Variants in CSMD1 observed in about 807,000 individuals in gnomAD.
CSMD1 encodes the protein CUB and sushi domain-containing protein 1.
CSMD1 carries 213 observed loss-of-function variants against 417.5 expected under a neutral mutation model. That is an observed-to-expected ratio of 0.51 (90% confidence interval 0.46 to 0.57). CSMD1 has a LOEUF of 0.57. Ranked by LOEUF, CSMD1 falls within the 20% of genes least tolerant of loss-of-function variation. CSMD1 has a pLI of 0.00. For synonymous variants in CSMD1, 2,862 were observed against 1,736.8 expected (o/e 1.65, Z -16.11); for missense variants, 6,923 against 4,529.7 (o/e 1.53, Z -15.17).
Position 3,728,001 on chromosome 8 carries a change from G to A in CSMD1, c.932-19510C>T, listed in dbSNP as rs549001272. 3.8e-4 allele frequency among the ~76,000 whole-genome samples: 58 copies of A among 152,284 alleles called. 1 individual carries two copies. In the South Asian group the frequency reaches 9.3e-3, roughly 25 times the overall value. ...TCAGTTTTGGAAATGCATGGTGGTG[G>A]AGGCTACACAACAGTGTGACTGTAT... On this transcript the variant is annotated intron_variant, in intron 6 of 69. Transcript: ENST00000635120.
At chr8:3,695,553 C>T (rs1800504498) in intron 7 of CSMD1, among the ~76,000 whole-genome samples, 2 of 151,994 alleles carry the variant, frequency 1.3e-5, no homozygotes, top group Admixed American at 1.3e-4. Flanking sequence ...AATTGCTTTC[C>T]ACCAAATAAA....
chr8:3,195,456 G>A (rs11775083), intron 33 of CSMD1, among the ~76,000 whole-genome samples: 20,708 of 152,202 alleles, frequency 0.14, 1,694 homozygotes, highest in Non-Finnish European at 0.2. Flanking sequence ...TAGAATCAAT[G>A]GCCTCTTCTA....
chr8:4,418,930 A>C (rs1228293), intron 3 of CSMD1, among the ~76,000 whole-genome samples: 24 of 152,094 alleles, frequency 1.6e-4, no homozygotes, highest in African/African-American at 5.8e-4. Flanking sequence ...AACTTTAAGC[A>C]AAAGGATAAG....
At chr8:4,247,258 T>C (rs116907106) in intron 3 of CSMD1, among the ~76,000 whole-genome samples, 1,702 of 152,296 alleles carry the variant, frequency 0.011, 15 homozygotes, top group South Asian at 0.038. Flanking sequence ...TTGAGTACAA[T>C]GACCAAAGAC....
At chr8:4,661,643 G>A (rs983544844) in intron 1 of CSMD1, among the ~76,000 whole-genome samples, 3 of 152,104 alleles carry the variant, frequency 2.0e-5, no homozygotes, top group Non-Finnish European at 4.4e-5. Flanking sequence ...GGGAAACTGA[G>A]CAATAGATAC....
chr8:3,961,296 T>C (rs560581959), intron 5 of CSMD1, among the ~76,000 whole-genome samples: 58 of 152,322 alleles, frequency 3.8e-4, no homozygotes, highest in African/African-American at 1.3e-3. Flanking sequence ...ATAAAAGTTA[T>C]ATGAGCATAA....
At position 3,367,234 on chromosome 8, in the gene CSMD1, G is replaced by T. The variant is rs1314287502; in HGVS notation, c.2913C>A (p.Ile971=). ...EVSHGKGVQM[I]FHTFHLESSH... is the part of the protein sequence containing the mutation. ...AACTCTCAAGATGAAAGGTGTGAAAGATCATTTGAACTCCTGAGAAATGAA... is the reference window on the plus strand; with the variant it reads ...AACTCTCAAGATGAAAGGTGTGAAATATCATTTGAACTCCTGAGAAATGAA... Residue 971 remains isoleucine (I), a synonymous_variant, in exon 20 of 70, where the codon ATC becomes ATA. Transcript: ENST00000635120. 6.2e-7 allele frequency: 1 copy of T among 1,611,164 alleles called. No individual in the cohort carries two copies. The highest frequency in any genetic ancestry group is 1.3e-5 in the African/African-American group (1 of 74,912).
chr8:4,510,073 T>G (rs1046879799), intron 2 of CSMD1, among the ~76,000 whole-genome samples: 2 of 152,076 alleles, frequency 1.3e-5, no homozygotes, highest in African/African-American at 4.8e-5. Context: ...TCTCATCCTA[T>G]TAACTTGATA....
intron 52 of CSMD1, among the ~76,000 whole-genome samples, chr8:3,014,074 C>T (rs1407347495): frequency 6.6e-6 from 1 of 152,078 alleles, no homozygotes; most frequent in African/African-American, 2.4e-5. Context: ...AAAAATTTTA[C>T]ATTAATTTCT....
At chr8:3,473,255 A>G (rs907385587) in intron 11 of CSMD1, among the ~76,000 whole-genome samples, 9 of 152,162 alleles carry the variant, frequency 5.9e-5, no homozygotes, top group Non-Finnish European at 2.9e-5. Context: ...ACACTGCCAT[A>G]TTCCACACAA....
chr8:4,457,400 A>G (rs1163351827), intron 2 of CSMD1, among the ~76,000 whole-genome samples: 1 of 152,132 alleles, frequency 6.6e-6, no homozygotes, highest in Non-Finnish European at 1.5e-5. Context: ...CAGGAAGGGA[A>G]TGTTTACTAA....
intron 5 of CSMD1, among the ~76,000 whole-genome samples, chr8:3,932,459 A>C (rs1810217327): frequency 6.6e-6 from 1 of 150,464 alleles, no homozygotes; most frequent in South Asian, 2.1e-4. Flanking sequence ...TCAGCACGGT[A>C]ATAAGACCTT....
intron 2 of CSMD1, among the ~76,000 whole-genome samples, chr8:4,481,567 A>C (rs1801103011): frequency 6.6e-6 from 1 of 152,196 alleles, no homozygotes; most frequent in African/African-American, 2.4e-5. Flanking sequence ...TGACGGACTA[A>C]GCTAATATTT....
At chr8:4,384,614 T>C (rs903550291) in intron 3 of CSMD1, among the ~76,000 whole-genome samples, 1 of 151,286 alleles carries the variant, frequency 6.6e-6, no homozygotes, top group Non-Finnish European at 1.5e-5. Context: ...AAAAATAAAA[T>C]AGAAGATTTT....
intron 37 of CSMD1, among the ~76,000 whole-genome samples, chr8:3,168,445 C>A (rs749881756): frequency 2.6e-5 from 4 of 152,020 alleles, no homozygotes; most frequent in Non-Finnish European, 5.9e-5. Flanking sequence ...CGAAAAATCG[C>A]ATTAAAGTTG....
intron 5 of CSMD1, among the ~76,000 whole-genome samples, chr8:3,973,478 A>G (rs985596052): frequency 2.6e-5 from 4 of 152,190 alleles, no homozygotes; most frequent in Non-Finnish European, 5.9e-5. Flanking sequence ...GAAGTTGTTT[A>G]TTTTAAAAAA....
chr8:4,902,703 CAAAATTCTACATATATCAAAATATA>C (rs1397890562), intron 1 of CSMD1, among the ~76,000 whole-genome samples: 1 of 151,932 alleles, frequency 6.6e-6, no homozygotes, highest in Non-Finnish European at 1.5e-5. Context: ...GCACATGATA[CAAAATTCTACATATATCAAAATATA>C]TAAATGGAAA....
intron 1 of CSMD1, among the ~76,000 whole-genome samples, chr8:4,964,048 G>A (rs893956052): frequency 6.6e-6 from 1 of 152,004 alleles, no homozygotes; most frequent in Non-Finnish European, 1.5e-5. Context: ...TTGATAGCTG[G>A]GTGAATCTGG....
intron 3 of CSMD1, among the ~76,000 whole-genome samples, chr8:4,156,875 C>G (rs1796864485): frequency 6.6e-6 from 1 of 152,140 alleles, no homozygotes. Flanking sequence ...CTTAAGTCTC[C>G]TCATACATAA....
Sources: gnomAD v4.1 joint callset for allele counts (sites outside exome capture counted in the v4.1 genomes callset) on GRCh38, gnomAD v4.1.1 for gene constraint, MANE v1.5 for transcripts, NCBI Gene and HGNC (gene_info 2026-07-23, HGNC 2026-07-21) for gene names.